The following TRIM61 variants were observed in gnomAD, a reference collection of about 807,000 sequenced individuals.
The protein encoded by TRIM61 is putative tripartite motif-containing protein 61.
A neutral mutation model predicts 14.2 loss-of-function variants in TRIM61; 1 was observed. That is an observed-to-expected ratio of 0.07 (90% CI 0.03 to 0.33). TRIM61 has a LOEUF of 0.33. TRIM61 is among the 10% of genes least tolerant of loss of function. TRIM61 has a pLI of 0.99. For missense variants in TRIM61, 19 were observed against 202.2 expected, an observed-to-expected ratio of 0.09 and a Z score of 5.49; for synonymous variants, 8 against 71.6, an observed-to-expected ratio of 0.11 and a Z score of 4.49.
intron 3 of TRIM61, among the ~76,000 whole-genome samples, chr4:164,955,950 C>A (rs964904758): frequency 6.6e-6 from 1 of 152,104 alleles, no homozygotes; most frequent in African/African-American, 2.4e-5. Flanking sequence ...ATCTGAGAGC[C>A]CTGAGGCGGA....
At chr4:164,972,498 T>TTG (rs3068821) in intron 2 of TRIM61, among the ~76,000 whole-genome samples, 69,448 of 151,542 alleles carry the variant, frequency 0.46, 16,500 homozygotes, top group East Asian at 0.71. Context: ...GCCTATTGCT[T>TTG]TGTGTGTGTG....
chr4:164,971,995 T>C (rs569918834), intron 2 of TRIM61, among the ~76,000 whole-genome samples: 2 of 152,340 alleles, frequency 1.3e-5, no homozygotes, highest in South Asian at 2.1e-4. Flanking sequence ...TCTTTTACTA[T>C]ACATTCTCTT....
intron 3 of TRIM61, among the ~76,000 whole-genome samples, chr4:164,956,525 ACATCTTATAATTTCATCTGTATATTT>A (rs1243207156): frequency 1.3e-5 from 2 of 152,212 alleles, no homozygotes; most frequent in Non-Finnish European, 2.9e-5. Context: ...AAATTCCCAG[ACATCTTATAATTTCATCTGTATATTT>A]CATCTTATAA....
At chr4:164,961,968 C>G (rs550478316) in intron 3 of TRIM61, among the ~76,000 whole-genome samples, 1 of 152,242 alleles carries the variant, frequency 6.6e-6, no homozygotes, top group South Asian at 2.1e-4. Flanking sequence ...CTGAATGCTT[C>G]TAGGCTATAA....
At chr4:164,957,577 A>G (rs1579141082) in intron 3 of TRIM61, 1 of 1,383,066 alleles carries the variant, frequency 7.2e-7, no homozygotes, top group East Asian at 2.4e-5. Context: ...AAATAAGCCA[A>G]AACTAAACCA....
intron 2 of TRIM61, among the ~76,000 whole-genome samples, chr4:164,973,156 T>C (rs1407142269): frequency 3.3e-5 from 5 of 152,194 alleles, no homozygotes; most frequent in Non-Finnish European, 5.9e-5. Context: ...TCAGGCACTA[T>C]GCTAAGGATC....
At chr4:164,968,121 C>A (rs1194870019) in intron 3 of TRIM61, 160 bp downstream of exon 3, 17 of 977,238 alleles carry the variant, frequency 1.7e-5, no homozygotes, top group Admixed American at 1.2e-4. Flanking sequence ...CCATTGCACT[C>A]CAGCCTGGGC....
At chr4:164,975,746 G>A (rs1258030504) in intron 2 of TRIM61, among the ~76,000 whole-genome samples, 1 of 151,786 alleles carries the variant, frequency 6.6e-6, no homozygotes, top group Admixed American at 6.6e-5. Flanking sequence ...CCATGTGATA[G>A]TCTGAAATAT....
chr4:164,966,307 T>C (rs1437545858), intron 3 of TRIM61, among the ~76,000 whole-genome samples: 1 of 152,230 alleles, frequency 6.6e-6, no homozygotes, highest in African/African-American at 2.4e-5. Context: ...ATGAATGGTA[T>C]TGAAATAATC....
chr4:164,965,030 G>A (rs1037731608), intron 3 of TRIM61, among the ~76,000 whole-genome samples: 1 of 152,196 alleles, frequency 6.6e-6, no homozygotes, highest in African/African-American at 2.4e-5. Flanking sequence ...GCTCACACCT[G>A]GAATCCCAGC....
At chr4:164,973,209 C>A (rs997400824) in intron 2 of TRIM61, among the ~76,000 whole-genome samples, 1 of 152,122 alleles carries the variant, frequency 6.6e-6, no homozygotes, top group Non-Finnish European at 1.5e-5. Flanking sequence ...AGAACAACTC[C>A]GTAAGTTAGG....
intron 2 of TRIM61, among the ~76,000 whole-genome samples, chr4:164,972,501 T>TGA (rs1385814332): frequency 4.6e-5 from 7 of 151,882 alleles, no homozygotes; most frequent in Non-Finnish European, 5.9e-5. Flanking sequence ...TATTGCTTTG[T>TGA]GTGTGTGTGT....
chr4:164,977,213 A>G (rs1023051567), intron 1 of TRIM61, among the ~76,000 whole-genome samples: 4 of 152,204 alleles, frequency 2.6e-5, no homozygotes, highest in African/African-American at 7.2e-5. Flanking sequence ...CTCAACTGGC[A>G]GCTACCACTT....
rs370842936 is a variant in TRIM61, at chr4:164,969,109, A to T, written c.525+369T>A. On this transcript the variant is annotated intron_variant, in intron 3 of 4. Transcript: ENST00000329314. The stretch of plus-strand genomic sequence containing the variant: ...TACGATGTGCTGTTTCAGGATCTAG[A>T]ATTACATCTACTTGAAATCGCTTGA... 16 of 1,110,264 alleles carry T rather than the reference A, an allele frequency of 1.4e-5. No homozygotes were observed. The African/African-American group carries it at 1.9e-4, about 13-fold the overall frequency. 68.8% of individuals were successfully genotyped at this position (1,110,264 alleles called of 1,614,324 possible). A position where few individuals can be genotyped will look rare whatever the true frequency, so the allele number is the denominator to read the frequency against.
chr4:164,976,161 CCTA>C (rs1268486539), intron 2 of TRIM61, among the ~76,000 whole-genome samples: 5 of 152,178 alleles, frequency 3.3e-5, no homozygotes, highest in Non-Finnish European at 1.5e-5. Flanking sequence ...ACCCTGCTCT[CCTA>C]CTACATTCCT....
At chr4:164,959,676 G>A (rs569208079) in intron 3 of TRIM61, among the ~76,000 whole-genome samples, 15 of 152,192 alleles carry the variant, frequency 9.9e-5, no homozygotes, top group Admixed American at 9.8e-4. Context: ...AAGAGGAGTT[G>A]AGTAAAAATA....
intron 2 of TRIM61, among the ~76,000 whole-genome samples, chr4:164,970,858 G>C (rs902314776): frequency 2.0e-5 from 3 of 152,096 alleles, no homozygotes; most frequent in Non-Finnish European, 2.9e-5. Flanking sequence ...CCAGCATTTT[G>C]GGGGGCCAAG....
chr4:164,958,876 T>A (rs929203585), intron 3 of TRIM61: 1 of 167,134 alleles, frequency 6.0e-6, no homozygotes, highest in East Asian at 1.9e-4. Context: ...TTCATAACTG[T>A]AATATGTCTA....
intron 3 of TRIM61, chr4:164,959,008 A>AT (rs1384832612): frequency 1.8e-5 from 3 of 167,140 alleles, no homozygotes; most frequent in African/African-American, 7.2e-5. Context: ...TAATTGGATT[A>AT]ATACGTTCAT....
Sources: gnomAD v4.1 joint callset for allele counts (sites outside exome capture counted in the v4.1 genomes callset) on GRCh38, gnomAD v4.1.1 for gene constraint, MANE v1.5 for transcripts, NCBI Gene and HGNC (gene_info 2026-07-23, HGNC 2026-07-21) for gene names.